The following SSUH2 variants were observed in gnomAD, a reference collection of about 807,000 sequenced individuals.
SSUH2 encodes protein SSUH2 homolog.
In SSUH2, 47 loss-of-function variants were observed where a neutral mutation model predicts 55.3. The ratio of observed to expected loss-of-function variants is 0.85; its 90% confidence interval spans 0.67 to 1.08. SSUH2 has a LOEUF of 1.08. Among genes scored for constraint, SSUH2 ranks in the 50% least tolerant of loss-of-function variants. The pLI, the probability that SSUH2 is intolerant of heterozygous loss-of-function variation, is 0.00. For synonymous variants in SSUH2, 212 were observed against 191.5 expected (o/e 1.11, Z -0.89); for missense variants, 535 against 490.7 (o/e 1.09, Z -0.85).
At chr3:8,674,529 G>C (rs1366948809) in intron 3 of SSUH2, among the ~76,000 whole-genome samples, 1 of 152,116 alleles carries the variant, frequency 6.6e-6, no homozygotes, top group African/African-American at 2.4e-5. Context: ...AACCGCCCCG[G>C]TCACCCCCTT....
intron 5 of SSUH2, among the ~76,000 whole-genome samples, chr3:8,631,439 G>A (rs532140480): frequency 2.6e-5 from 4 of 152,176 alleles, no homozygotes; most frequent in Non-Finnish European, 4.4e-5. Flanking sequence ...TATGATACAT[G>A]CTTTGGACAA....
chr3:8,652,909 C>A (rs987767307), intron 7 of SSUH2, among the ~76,000 whole-genome samples: 1 of 152,206 alleles, frequency 6.6e-6, no homozygotes, highest in Non-Finnish European at 1.5e-5. Context: ...ATGTGACTGA[C>A]TCCCCCTTTC....
rs375215597 is a variant in SSUH2, at chr3:8,676,981, G to A, written c.-753+225C>T. ...TCCCCCTGTGAGGCGGGGACTGAGAGCCAGTACCTCTTCCCCCCCTGGCTC... is the reference window on the plus strand; with the variant it reads ...TCCCCCTGTGAGGCGGGGACTGAGAACCAGTACCTCTTCCCCCCCTGGCTC... On this transcript the variant is annotated intron_variant, in intron 3 of 18. Transcript: ENST00000317371. 1.5e-3 allele frequency among the ~76,000 whole-genome samples: 209 copies of A among 143,476 alleles called. 5 individuals carry two copies. The highest frequency in any genetic ancestry group is 4.8e-3 in the African/African-American group (187 of 38,746). The allele number at this position is 143,476 out of a possible 152,430, so 94.1% of individuals were successfully genotyped here. A position where few individuals can be genotyped will look rare whatever the true frequency, so the allele number is the denominator to read the frequency against.
chr3:8,621,979 C>T (rs1696542514), intron 11 of SSUH2, among the ~76,000 whole-genome samples: 1 of 151,450 alleles, frequency 6.6e-6, no homozygotes, highest in Admixed American at 6.6e-5. Flanking sequence ...CAAAAAGTCT[C>T]GAAGTTTGAG....
intron 7 of SSUH2, among the ~76,000 whole-genome samples, chr3:8,654,574 G>A (rs1702744253): frequency 6.6e-6 from 1 of 152,168 alleles, no homozygotes; most frequent in African/African-American, 2.4e-5. Flanking sequence ...TGTTTCCATA[G>A]GGTAAATTAG....
chr3:8,647,981 AC>A (rs1247566643), upstream of SSUH2, among the ~76,000 whole-genome samples: 1 of 151,924 alleles, frequency 6.6e-6, no homozygotes, highest in Admixed American at 6.6e-5. Flanking sequence ...ATGCCCAAGC[AC>A]CCTCCTCTCT....
intron 11 of SSUH2, among the ~76,000 whole-genome samples, chr3:8,621,378 G>A (rs1696397937): frequency 6.6e-6 from 1 of 152,274 alleles, no homozygotes; most frequent in South Asian, 2.1e-4. Flanking sequence ...CCGGGTGGGG[G>A]GCTGAGGCTG....
chr3:8,653,433 T>A (rs1001990187), intron 7 of SSUH2, among the ~76,000 whole-genome samples: 1 of 152,248 alleles, frequency 6.6e-6, no homozygotes, highest in Non-Finnish European at 1.5e-5. Context: ...ACACTTAGAA[T>A]TTTTAAAAAG....
intron 4 of SSUH2, 129 bp from the exon 5 acceptor site, chr3:8,632,238 G>A (rs924521940): frequency 1.1e-5 from 8 of 707,774 alleles, no homozygotes; most frequent in South Asian, 1.1e-4. Flanking sequence ...CAACACCCTC[G>A]GCTGCTGGAA....
At chr3:8,669,656 A>G (rs1704328999) in intron 5 of SSUH2, among the ~76,000 whole-genome samples, 1 of 152,246 alleles carries the variant, frequency 6.6e-6, no homozygotes, top group East Asian at 1.9e-4. Context: ...AGATGTGCCA[A>G]TAGCACATAC....
chr3:8,631,036 T>C lies in SSUH2; in HGVS notation c.401-107A>G, dbSNP rs1451908054. ...CTTCAGTTGGTGCCAGGCATGAGTC[T>C]AGATCCTGGGGCTACAGGGATGGAT... On this transcript the variant is annotated intron_variant, in intron 5 of 11. Transcript: ENST00000544814. The C allele has an allele frequency of 3.4e-6, 4 of 1,182,852 alleles. No homozygotes were observed. The East Asian group carries it at 8.6e-5, about 25-fold the overall frequency. 73.3% of individuals were successfully genotyped at this position (1,182,852 alleles called of 1,614,324 possible).
chr3:8,635,850 C>G lies in SSUH2; in HGVS notation c.36G>C (p.Val12=), dbSNP rs903443067. 9 of 1,535,834 alleles carry G rather than the reference C, an allele frequency of 5.9e-6. No homozygotes were observed. In the South Asian group the frequency reaches 6.0e-5, roughly 10 times the overall value. The change falls in exon 2 of 12, where the codon GTG becomes GTC. Residue 12 remains valine, a synonymous_variant. Coordinates refer to ENST00000544814, the MANE Select transcript of SSUH2 (RefSeq NM_001256748.3). Reference sequence around the variant, plus strand: ...GACTCTCGGCCTCAAAACTGAGGTCCACCACACCTGCAGAAAGACAAGCAT... The same window carrying G: ...GACTCTCGGCCTCAAAACTGAGGTCGACCACACCTGCAGAAAGACAAGCAT... ...DRDLNEDDSV[V]DLSFEAESPL... is the part of the protein sequence containing the mutation.
chr3:8,662,112 C>G (rs1410055161), intron 6 of SSUH2, among the ~76,000 whole-genome samples: 2 of 152,148 alleles, frequency 1.3e-5, no homozygotes, highest in East Asian at 1.9e-4. Flanking sequence ...ATCAGCAGTG[C>G]GAAAGTACAC....
intron 7 of SSUH2, among the ~76,000 whole-genome samples, chr3:8,652,512 A>G (rs1702528231): frequency 6.6e-6 from 1 of 152,132 alleles, no homozygotes; most frequent in South Asian, 2.1e-4. Flanking sequence ...GGAGGATAAG[A>G]GAGAGGAAAG....
At chr3:8,670,140 C>G (rs1704387799) in intron 5 of SSUH2, among the ~76,000 whole-genome samples, 2 of 152,112 alleles carry the variant, frequency 1.3e-5, no homozygotes, top group South Asian at 4.2e-4. Flanking sequence ...AAACCCCTCC[C>G]TTGGCAGCTC....
chr3:8,664,485 TA>T (rs892351754), intron 5 of SSUH2, among the ~76,000 whole-genome samples: 1 of 152,134 alleles, frequency 6.6e-6, no homozygotes, highest in African/African-American at 2.4e-5. Flanking sequence ...AATTTTTTTT[TA>T]CCACATTTAT....
intron 6 of SSUH2, among the ~76,000 whole-genome samples, chr3:8,663,588 G>A (rs777555314): frequency 4.6e-5 from 7 of 152,162 alleles, no homozygotes; most frequent in Non-Finnish European, 8.8e-5. Flanking sequence ...TGTCTGGCTG[G>A]GTGTGATATC....
At chr3:8,650,016 C>T (rs977552632) in intron 7 of SSUH2, among the ~76,000 whole-genome samples, 3 of 152,176 alleles carry the variant, frequency 2.0e-5, no homozygotes, top group African/African-American at 4.8e-5. Context: ...GTTCCTGGGT[C>T]ACACCAAGCA....
intron 11 of SSUH2, among the ~76,000 whole-genome samples, chr3:8,621,928 C>CA (rs1373250990): frequency 6.6e-6 from 1 of 151,940 alleles, no homozygotes; most frequent in African/African-American, 2.4e-5. Context: ...CCAGCCCCCC[C>CA]ACAACCCCCG....
Sources: allele counts gnomAD v4.1 joint callset (sites outside exome capture counted in the v4.1 genomes callset), GRCh38; gene constraint gnomAD v4.1.1; transcripts MANE v1.5; gene names NCBI Gene and HGNC (gene_info 2026-07-23, HGNC 2026-07-21).